KCNQ5: variants seen among roughly 807,000 people sequenced by gnomAD.
KCNQ5 encodes potassium voltage-gated channel subfamily KQT member 5.
KCNQ5 carries 30 observed loss-of-function variants against 98.2 expected under a neutral mutation model. The observed-to-expected ratio is 0.31, with a 90% CI of 0.23 to 0.41. The LOEUF (loss-of-function observed/expected upper bound fraction) is 0.41. Ranked by LOEUF, KCNQ5 falls within the 10% of genes least tolerant of loss-of-function variation. The pLI, the probability that KCNQ5 is intolerant of heterozygous loss-of-function variation, is 1.00. For synonymous variants in KCNQ5, 458 were observed against 449.4 expected (o/e 1.02, Z -0.24); for missense variants, 835 against 1,182.5 (o/e 0.71, Z 4.31).
intron 1 of KCNQ5, among the ~76,000 whole-genome samples, chr6:72,940,168 T>C (rs1161881019): frequency 6.6e-6 from 1 of 152,172 alleles, no homozygotes; most frequent in Non-Finnish European, 1.5e-5. Flanking sequence ...CAGCCCTTTA[T>C]TTCCCATTGA....
At chr6:73,029,498 G>GT (rs34556698) in intron 2 of KCNQ5, among the ~76,000 whole-genome samples, 86,453 of 147,936 alleles carry the variant, frequency 0.58, 28,498 homozygotes, top group Non-Finnish European at 0.75. Flanking sequence ...CCTCAACTCA[G>GT]TTTTTTTTTT....
intron 1 of KCNQ5, among the ~76,000 whole-genome samples, chr6:72,836,648 A>G (rs1345097017): frequency 2.0e-5 from 3 of 151,960 alleles, no homozygotes; most frequent in Non-Finnish European, 2.9e-5. Context: ...GTTTTGCCCA[A>G]GCTGGTCTTG....
intron 8 of KCNQ5, among the ~76,000 whole-genome samples, chr6:73,122,937 T>C (rs1775803027): frequency 6.6e-6 from 1 of 152,090 alleles, no homozygotes; most frequent in South Asian, 2.1e-4. Context: ...GAATGGAGAG[T>C]GTTGTAGTAA....
chr6:72,910,050 T>C (rs1438133030), intron 1 of KCNQ5, among the ~76,000 whole-genome samples: 1 of 152,236 alleles, frequency 6.6e-6, no homozygotes, highest in Non-Finnish European at 1.5e-5. Context: ...TCAAAATATA[T>C]GCATCCCTTT....
chr6:72,632,138 C>CTTT (rs71540354), intron 1 of KCNQ5, among the ~76,000 whole-genome samples: 48 of 127,666 alleles, frequency 3.8e-4, no homozygotes, highest in African/African-American at 4.9e-4. Flanking sequence ...TTCTTTCTTT[C>CTTT]TTTTTTTTTT....
chr6:73,053,214 T>C (rs1343236723), intron 3 of KCNQ5, among the ~76,000 whole-genome samples: 1 of 152,206 alleles, frequency 6.6e-6, no homozygotes, highest in Non-Finnish European at 1.5e-5. Flanking sequence ...TAAATAGATA[T>C]GCATCCAAAA....
intron 10 of KCNQ5, among the ~76,000 whole-genome samples, chr6:73,164,195 T>G (rs1482696462): frequency 6.6e-6 from 1 of 152,224 alleles, no homozygotes; most frequent in Non-Finnish European, 1.5e-5. Context: ...AAAGTCACAA[T>G]TTCCAAGAAC....
At chr6:72,831,152 A>G (rs1486217010) in intron 1 of KCNQ5, among the ~76,000 whole-genome samples, 1 of 152,238 alleles carries the variant, frequency 6.6e-6, no homozygotes. Flanking sequence ...TAGTTCTACC[A>G]TTGTGGAAGA....
chr6:72,728,253 C>A (rs1770386832), intron 1 of KCNQ5, among the ~76,000 whole-genome samples: 2 of 152,192 alleles, frequency 1.3e-5, no homozygotes, highest in Middle Eastern at 3.4e-3. Flanking sequence ...TAGCTTACTT[C>A]TGTCTCATTT....
At chr6:72,674,209 T>C (rs1767287799) in intron 1 of KCNQ5, among the ~76,000 whole-genome samples, 1 of 152,084 alleles carries the variant, frequency 6.6e-6, no homozygotes, top group Admixed American at 6.5e-5. Flanking sequence ...CATCATCCAA[T>C]GTTTTGATTT....
At chr6:73,111,833 T>C (rs989998499) in intron 7 of KCNQ5, among the ~76,000 whole-genome samples, 4 of 152,232 alleles carry the variant, frequency 2.6e-5, no homozygotes, top group Admixed American at 2.0e-4. Flanking sequence ...CATATTTGTT[T>C]AGAATGTCAA....
At chr6:72,960,617 G>A (rs1582092372) in intron 1 of KCNQ5, among the ~76,000 whole-genome samples, 2 of 152,008 alleles carry the variant, frequency 1.3e-5, no homozygotes, top group Admixed American at 6.6e-5. Context: ...TAGTAGAGAC[G>A]GTGTTTCACT....
rs555733327 is a variant in KCNQ5 at position 72,999,544 on chromosome 6, T to C, written c.399-4364T>C. On this transcript the variant is annotated intron_variant, in intron 1 of 13. Transcript: ENST00000370398. ...ATATATTTTAAACTCATCATAAAGCTGACAGGTGCAAAACTGGGCCCTCTT... is the reference window on the plus strand; with the variant it reads ...ATATATTTTAAACTCATCATAAAGCCGACAGGTGCAAAACTGGGCCCTCTT... Among the ~76,000 whole-genome samples, 6 of 152,332 alleles carry C rather than the reference T, an allele frequency of 3.9e-5. No individual in the cohort carries two copies. The South Asian group carries it at 6.2e-4, about 16-fold the overall frequency.
chr6:73,120,451 C>A, intron 7 of KCNQ5, 32 bp from the exon 8 acceptor site: 1 of 1,467,880 alleles, frequency 6.8e-7, no homozygotes, highest in Non-Finnish European at 9.4e-7. Flanking sequence ...TCTCTTTTTT[C>A]TTTTTCATGT....
chr6:72,666,836 G>T (rs1288611728), intron 1 of KCNQ5, among the ~76,000 whole-genome samples: 1 of 152,090 alleles, frequency 6.6e-6, no homozygotes, highest in African/African-American at 2.4e-5. Flanking sequence ...GTATATTCAT[G>T]ATATAATGGT....
chr6:72,699,966 C>T (rs1403033016), intron 1 of KCNQ5, among the ~76,000 whole-genome samples: 1 of 152,106 alleles, frequency 6.6e-6, no homozygotes, highest in Non-Finnish European at 1.5e-5. Context: ...CCTTCTTCAT[C>T]TGTAAAATAA....
intron 3 of KCNQ5, chr6:73,042,921 T>G (rs530204812): frequency 6.0e-6 from 1 of 167,616 alleles, no homozygotes; most frequent in Non-Finnish European, 1.4e-5. Context: ...TCTCACTTCC[T>G]AGGCAGCCAT....
At chr6:72,877,375 C>G (rs1778450210) in intron 1 of KCNQ5, among the ~76,000 whole-genome samples, 1 of 152,112 alleles carries the variant, frequency 6.6e-6, no homozygotes, top group Admixed American at 6.5e-5. Flanking sequence ...TCATCCATGT[C>G]CCTGCAAAGG....
At chr6:72,931,831 G>A (rs780958915) in intron 1 of KCNQ5, among the ~76,000 whole-genome samples, 4 of 152,154 alleles carry the variant, frequency 2.6e-5, no homozygotes, top group African/African-American at 7.2e-5. Context: ...TCTCTGGAAG[G>A]CCTGCCAGAG....
Sources: allele counts gnomAD v4.1 joint callset (sites outside exome capture counted in the v4.1 genomes callset), GRCh38; gene constraint gnomAD v4.1.1; transcripts MANE v1.5; gene names NCBI Gene and HGNC (gene_info 2026-07-23, HGNC 2026-07-21).